The following UST variants were observed in gnomAD, a reference collection of about 807,000 sequenced individuals.
UST encodes the protein uronyl 2-sulfotransferase.
Under a neutral mutation model 45.6 loss-of-function variants are expected in UST, and 21 were observed. The ratio of observed to expected loss-of-function variants is 0.46; its 90% CI spans 0.33 to 0.66. The LOEUF is 0.66. UST is among the 30% of genes least tolerant of loss of function. UST has a pLI of 0.02. For synonymous variants in UST, 215 were observed against 200.6 expected (o/e 1.07, Z -0.61); for missense variants, 463 against 512.4 (o/e 0.90, Z 0.93).
intron 1 of UST, among the ~76,000 whole-genome samples, chr6:148,848,818 T>C (rs1778047968): frequency 6.6e-6 from 1 of 152,094 alleles, no homozygotes; most frequent in South Asian, 2.1e-4. Context: ...GGCTGCAAAG[T>C]TTCCATAGGC....
intron 1 of UST, among the ~76,000 whole-genome samples, chr6:148,805,793 G>T (rs1020473030): frequency 6.6e-6 from 1 of 152,130 alleles, no homozygotes; most frequent in Non-Finnish European, 1.5e-5. Flanking sequence ...TGAATGATTG[G>T]AACACCCAGA....
chr6:148,805,041 CTA>C (rs1182036315), intron 1 of UST, among the ~76,000 whole-genome samples: 3 of 152,078 alleles, frequency 2.0e-5, no homozygotes, highest in African/African-American at 7.2e-5. Context: ...TGCTGTCCCT[CTA>C]TGTTTGCATA....
chr6:148,793,125 C>T (rs998850760), intron 1 of UST, among the ~76,000 whole-genome samples: 1 of 151,940 alleles, frequency 6.6e-6, no homozygotes, highest in Admixed American at 6.6e-5. Context: ...TTAAGAGAAA[C>T]AAGATTATAG....
chr6:148,923,807 A>G (rs901284441), intron 2 of UST, among the ~76,000 whole-genome samples: 4 of 152,164 alleles, frequency 2.6e-5, no homozygotes, highest in African/African-American at 9.7e-5. Flanking sequence ...GGACTTAGAT[A>G]TACAACTGTA....
intron 1 of UST, among the ~76,000 whole-genome samples, chr6:148,758,138 T>C (rs1776131163): frequency 6.6e-6 from 1 of 152,178 alleles, no homozygotes; most frequent in Admixed American, 6.5e-5. Flanking sequence ...AGAACACAGC[T>C]GGGGGAGTAT....
intron 5 of UST, among the ~76,000 whole-genome samples, chr6:149,010,913 A>AAAAACAAAAAC (rs1554234082): frequency 1.1e-5 from 1 of 92,968 alleles, no homozygotes; most frequent in Admixed American, 1.3e-4. Context: ...AAAAAAAAAA[A>AAAAACAAAAAC]AAAAAACTGT....
intron 2 of UST, among the ~76,000 whole-genome samples, chr6:148,895,364 A>G (rs1779106877): frequency 6.6e-6 from 1 of 152,208 alleles, no homozygotes; most frequent in Non-Finnish European, 1.5e-5. Context: ...TTCATTTAAG[A>G]CAAAGTTACC....
At chr6:148,812,867 G>T (rs1282012574) in intron 1 of UST, among the ~76,000 whole-genome samples, 2 of 152,196 alleles carry the variant, frequency 1.3e-5, no homozygotes, top group Non-Finnish European at 2.9e-5. Context: ...GGGGATCACT[G>T]ACAGGTCGTC....
chr6:149,017,961 C>T (rs1452269153), intron 5 of UST, among the ~76,000 whole-genome samples: 1 of 152,112 alleles, frequency 6.6e-6, no homozygotes, highest in African/African-American at 2.4e-5. Flanking sequence ...CAGACATATG[C>T]ACCCCCCTAT....
intron 5 of UST, among the ~76,000 whole-genome samples, chr6:148,988,409 A>G (rs988596708): frequency 3.3e-5 from 5 of 151,982 alleles, no homozygotes; most frequent in African/African-American, 9.7e-5. Flanking sequence ...CCCTGACTCT[A>G]CTAAAAATAC....
chr6:148,806,401 C>T (rs893213698), intron 1 of UST, among the ~76,000 whole-genome samples: 4 of 152,154 alleles, frequency 2.6e-5, no homozygotes, highest in South Asian at 2.1e-4. Flanking sequence ...TGCAGCGGTG[C>T]GATCTCATCT....
intron 5 of UST, among the ~76,000 whole-genome samples, chr6:148,991,748 T>C (rs1431188805): frequency 1.3e-5 from 2 of 152,220 alleles, no homozygotes; most frequent in East Asian, 3.9e-4. Context: ...TTATCACAAC[T>C]TTGTAGTATT....
chr6:148,955,502 C>T (rs1780474232), intron 4 of UST: 1 of 152,262 alleles, frequency 6.6e-6, no homozygotes, highest in Admixed American at 6.5e-5. Context: ...AAATTTTCCA[C>T]AGTAATCCAG....
At position 148,900,861 on chromosome 6, in the gene UST, C is replaced by T. The variant is rs146028210; in HGVS notation, c.291+13832C>T. On this transcript the variant is annotated intron_variant, in intron 2 of 7. Transcript: ENST00000367463. Reference sequence around the variant, plus strand: ...CCTTCTGGAAGCTCTGGGGCAAATCCATTTCCTTGACTTTTCCAGCTTCTA... The same window carrying T: ...CCTTCTGGAAGCTCTGGGGCAAATCTATTTCCTTGACTTTTCCAGCTTCTA... Among the ~76,000 whole-genome samples, 315 of 152,270 alleles carry T rather than the reference C, an allele frequency of 2.1e-3. 1 individual carries two copies. Among genetic ancestry groups the T allele is most frequent in the African/African-American group, 7.4e-3 (309 of 41,564 alleles).
intron 5 of UST, among the ~76,000 whole-genome samples, chr6:148,987,496 A>C (rs1364033686): frequency 6.6e-6 from 1 of 152,154 alleles, no homozygotes; most frequent in African/African-American, 2.4e-5. Context: ...ACAAAAAAAA[A>C]ATTTCTACTG....
At chr6:148,765,764 A>G (rs1422604527) in intron 1 of UST, among the ~76,000 whole-genome samples, 2 of 152,234 alleles carry the variant, frequency 1.3e-5, no homozygotes, top group Non-Finnish European at 2.9e-5. Flanking sequence ...TGGGGAACTA[A>G]TACATGTCCA....
chr6:148,884,836 G>A (rs551993787), intron 1 of UST, among the ~76,000 whole-genome samples: 68 of 152,266 alleles, frequency 4.5e-4, no homozygotes, highest in African/African-American at 1.6e-3. Context: ...TGAAAGCCAA[G>A]CCAATAGGAC....
rs75382627 is a variant in UST at position 149,018,577 on chromosome 6, G to A, written c.682-562G>A. Among the ~76,000 whole-genome samples, 96 of 152,242 alleles carry A rather than the reference G, an allele frequency of 6.3e-4. 1 individual carries two copies. The highest frequency in any genetic ancestry group is 1.2e-3 in the Non-Finnish European group (80 of 68,006). On this transcript the variant is annotated intron_variant, in intron 5 of 7. Coordinates refer to ENST00000367463, the MANE Select transcript of UST (RefSeq NM_005715.3). ...TATAAGAGAAATGGAAAACCTGGAC[G>A]TCACAACTGTTGCCTTTGAAAGTGA... is the stretch of plus-strand genomic sequence containing the variant.
At chr6:149,043,764 G>A (rs529696177) in intron 7 of UST, among the ~76,000 whole-genome samples, 15 of 152,374 alleles carry the variant, frequency 9.8e-5, no homozygotes, top group African/African-American at 2.9e-4. Context: ...GTTTATGCGG[G>A]TTGACTTCTG....
Sources: allele counts gnomAD v4.1 joint callset (sites outside exome capture counted in the v4.1 genomes callset), GRCh38; gene constraint gnomAD v4.1.1; transcripts MANE v1.5; gene names NCBI Gene and HGNC (gene_info 2026-07-23, HGNC 2026-07-21).